The following SIGLEC1 variants were observed in gnomAD, a reference collection of about 807,000 sequenced individuals.
SIGLEC1 encodes sialoadhesin.
SIGLEC1 carries 132 observed loss-of-function variants against 148.0 expected under a neutral mutation model. The observed-to-expected ratio is 0.89, with a 90% CI of 0.77 to 1.03. SIGLEC1 has a LOEUF of 1.03. Among genes scored for constraint, SIGLEC1 ranks in the 50% least tolerant of loss-of-function variants. The pLI is 0.00. For missense variants in SIGLEC1, 2,253 were observed against 2,271.4 expected (o/e 0.99, Z 0.16); for synonymous variants, 945 against 969.0 (o/e 0.98, Z 0.46).
intron 18 of SIGLEC1, among the ~76,000 whole-genome samples, chr20:3,691,045 A>T (rs1226385386): frequency 6.6e-6 from 1 of 151,996 alleles, no homozygotes. Flanking sequence ...TGACCAGGCT[A>T]GTCTTGAACT....
rs1353748868 is a variant in SIGLEC1, at chr20:3,688,203, A to G, written c.*357T>C. 5.8e-6 allele frequency: 2 copies of G among 347,632 alleles called. No homozygotes were observed. The highest frequency in any genetic ancestry group is 1.1e-5 in the Non-Finnish European group (2 of 180,996). 21.5% of individuals were successfully genotyped at this position (347,632 alleles called of 1,614,324 possible). ...AGAATGCCTTGGTGAGCCTCTGAGG[A>G]TGCAGGATGCTGCAATCCAACCAAA... On this transcript the variant is annotated 3_prime_UTR_variant, in exon 22 of 22. Transcript: ENST00000344754.
chr20:3,694,695 C>T lies in SIGLEC1; in HGVS notation c.2912G>A (p.Ser971Asn). The T allele has an allele frequency of 2.5e-6, 4 of 1,613,796 alleles. No homozygotes were observed. The highest frequency in any genetic ancestry group is 2.5e-6 in the Non-Finnish European group (3 of 1,179,974). The change falls in exon 12 of 22, where the codon AGC (serine) becomes AAC (asparagine). Residue 971 changes from serine to asparagine, a missense_variant. Ser to Asn is a conservative substitution (Grantham distance 46). Coordinates refer to ENST00000344754, the MANE Select transcript of SIGLEC1 (RefSeq NM_023068.4). ...QAQAPGSATTSLAAPISLHVS... is the reference protein window; with the variant it reads ...QAQAPGSATTNLAAPISLHVS... ...GTGGAGGCTGATGGGTGCAGCTAGG[C>T]TCGTGGTGGCTGAGCCTGGGGCCTG...
At chr20:3,688,858 TC>T (rs1232935021) in intron 21 of SIGLEC1, 1 of 596,820 alleles carries the variant, frequency 1.7e-6, no homozygotes, top group African/African-American at 1.9e-5. Context: ...GGAAGAGGCC[TC>T]AGAACAAAGG....
intron 19 of SIGLEC1, 98 bp from the exon 20 acceptor site, chr20:3,689,800 T>C: frequency 7.9e-7 from 1 of 1,268,276 alleles, no homozygotes; most frequent in Admixed American, 2.1e-5. Flanking sequence ...TAACTTTTGC[T>C]TTATCGCTGA....
chr20:3,689,152 T>A lies in SIGLEC1; in HGVS notation c.5070+3A>T. On this transcript the variant is annotated splice_donor_region_variant and intron_variant, in intron 21 of 21. Transcript: ENST00000344754. ...TATCTGCCCGTGTGTGTTGAATGGA[T>A]ACCTGCGTGGTCTCTTTCTGAAAAG... 6.2e-7 allele frequency: 1 copy of A among 1,613,016 alleles called. No individual in the cohort carries two copies. The highest frequency in any genetic ancestry group is 1.1e-5 in the South Asian group (1 of 91,046).
At position 3,688,613 on chromosome 20, in the gene SIGLEC1, C is replaced by T. The variant is rs1440925426; in HGVS notation, c.5077G>A (p.Asp1693Asn). 6.3e-7 allele frequency: 1 copy of T among 1,597,430 alleles called. No individual in the cohort carries two copies. The highest frequency in any genetic ancestry group is 8.5e-7 in the Non-Finnish European group (1 of 1,171,412). ...AFQKETTQLI[D>N]PDAATCETST... is the part of the protein sequence containing the mutation. ...GTCTCACATGTGGCTGCATCAGGAT[C>T]AATGAGCTTCCCACAGAGAAAACCC... Residue 1693 changes from aspartate to asparagine, a missense_variant, in exon 22 of 22, where the codon GAT becomes AAT. Physicochemically the swap from Asp to Asn is conservative, Grantham distance 23. Transcript: ENST00000344754.
At chr20:3,703,749 C>T (rs2087870789) in intron 5 of SIGLEC1, 76 bp downstream of exon 5, 11 of 1,578,222 alleles carry the variant, frequency 7.0e-6, no homozygotes, top group South Asian at 1.1e-5. Context: ...CCTGCCCTGC[C>T]CTGTCTCCCC....
Position 3,692,973 on chromosome 20 carries a change from TGTTGGGGA to T in SIGLEC1, c.3659_3666del (p.Val1220AspfsTer14). ...GGCCCTCGCAGCTCCAGGCGCAGGG[TGTTGGGGA>T]CAGAGGCTGCTGTCGAGGAGGCCAA... On this transcript the variant is annotated frameshift_variant, in exon 15 of 22. Transcript: ENST00000344754. LOFTEE classifies it high-confidence loss of function. 6.2e-7 allele frequency: 1 copy of T among 1,612,240 alleles called. No homozygotes were observed. The highest frequency in any genetic ancestry group is 8.5e-7 in the Non-Finnish European group (1 of 1,179,818).
intron 8 of SIGLEC1, among the ~76,000 whole-genome samples, chr20:3,698,550 T>TC (rs746709470): frequency 6.6e-5 from 10 of 152,202 alleles, no homozygotes; most frequent in South Asian, 6.2e-4. Flanking sequence ...GCAGCTTATC[T>TC]GTGATCTCCA....
chr20:3,693,373 G>A (rs974588278), intron 14 of SIGLEC1, 74 bp downstream of exon 14: 57 of 1,480,912 alleles, frequency 3.8e-5, no homozygotes, highest in Admixed American at 4.3e-5. Context: ...CACCTGTCGG[G>A]TTCCGGCCAT....
Position 3,687,732 on chromosome 20 carries a change from A to C in SIGLEC1, c.*828T>G, listed in dbSNP as rs2088712949. On this transcript the variant is annotated 3_prime_UTR_variant, in exon 22 of 22. Coordinates refer to ENST00000344754, the MANE Select transcript of SIGLEC1 (RefSeq NM_023068.4). ...CTGGTGGCATTCCCAACAATGTCAA[A>C]AGTCTCAGGGATGAGCTCACAGTTG... 1 of 152,206 alleles carries C rather than the reference A, an allele frequency of 6.6e-6. No individual in the cohort carries two copies. Among genetic ancestry groups the C allele is most frequent in the African/African-American group, 2.4e-5 (1 of 41,436 alleles). The allele number at this position is 152,206 out of a possible 1,614,324, so 9.4% of individuals were successfully genotyped here. A position where few individuals can be genotyped will look rare whatever the true frequency, so the allele number is the denominator to read the frequency against.
rs116446562 is a variant in SIGLEC1, at chr20:3,710,018, A to G, written c.-110+2452T>C. Among the ~76,000 whole-genome samples, 1 of 152,344 alleles carries G rather than the reference A, an allele frequency of 6.6e-6. No individual in the cohort carries two copies. Among genetic ancestry groups the G allele is most frequent in the African/African-American group, 2.4e-5 (1 of 41,568 alleles). The stretch of plus-strand genomic sequence containing the variant: ...AAATGTACCTAATGTCATGGGGTGT[A>G]CACTTAAAGACAGTTAAAACAGTAA... On this transcript the variant is annotated intron_variant, in intron 1 of 21. Coordinates refer to ENST00000344754, the MANE Select transcript of SIGLEC1 (RefSeq NM_023068.4). This position sits in a 1 kb window ranked among gnomAD's most constrained non-coding sequence, Gnocchi z 4.6.
rs2087818037 is a variant in SIGLEC1 at position 3,697,939 on chromosome 20, G to A, written c.1981C>T (p.Pro661Ser). ...GGCSTCGGCSPRMKVTKAPNL... is the reference protein window; with the variant it reads ...GGCSTCGGCSSRMKVTKAPNL... ...GGGGCTTTGGTGACCTTCATGCGTG[G>A]GGAACAGCCCCCACAGGTGCTGCAG... Residue 661 changes from proline (P) to serine (S), a missense_variant, in exon 9 of 22, where the codon CCA (proline) becomes TCA (serine). Pro to Ser is a moderately conservative substitution (Grantham distance 74). Coordinates refer to ENST00000344754, the MANE Select transcript of SIGLEC1 (RefSeq NM_023068.4). 1 of 1,612,906 alleles carries A rather than the reference G, an allele frequency of 6.2e-7. No individual in the cohort carries two copies. Among genetic ancestry groups the A allele is most frequent in the Non-Finnish European group, 8.5e-7 (1 of 1,179,898 alleles).
At position 3,693,647 on chromosome 20, in the gene SIGLEC1, A is replaced by G. The variant is rs1445855492; in HGVS notation, c.3308T>C (p.Val1103Ala). The G allele has an allele frequency of 1.2e-6, 2 of 1,609,182 alleles. No homozygotes were observed. The highest frequency in any genetic ancestry group is 1.7e-6 in the Non-Finnish European group (2 of 1,177,708). ...PGATVREGQL[V>A]NLTCLVWTTH... ...GGTCCACACAAGGCAGGTCAGGTTC[A>G]CCAGCTGCCCCTCCCGCACGGTAGC... is the stretch of plus-strand genomic sequence containing the variant. The change falls in exon 14 of 22, where the codon GTG becomes GCG. Residue 1103 changes from valine (V) to alanine (A), a missense_variant. Coordinates refer to ENST00000344754, the MANE Select transcript of SIGLEC1 (RefSeq NM_023068.4).
Position 3,703,916 on chromosome 20 carries a change from C to T in SIGLEC1, c.882G>A (p.Gln294=). The change falls in exon 5 of 22, where the codon CAG becomes CAA. Residue 294 remains glutamine, a synonymous_variant. Coordinates refer to ENST00000344754, the MANE Select transcript of SIGLEC1 (RefSeq NM_023068.4). ...QTKTGVLHLP[Q]AAWSDAGVYT... is the part of the protein sequence containing the mutation. ...AGACGCCAGCATCGCTCCAGGCTGC[C>T]TGGGGCAGGTGCAGCACACCAGTCT... 1 of 1,614,028 alleles carries T rather than the reference C, an allele frequency of 6.2e-7. No individual in the cohort carries two copies. The highest frequency in any genetic ancestry group is 1.3e-5 in the African/African-American group (1 of 75,050).
At chr20:3,712,086 T>C (rs2087931690) in intron 1 of SIGLEC1, among the ~76,000 whole-genome samples, 1 of 150,910 alleles carries the variant, frequency 6.6e-6, no homozygotes, top group South Asian at 2.1e-4. Flanking sequence ...GATGATAGAG[T>C]CGGAGTTGTG....
chr20:3,704,158 T>G (rs2087875697), intron 4 of SIGLEC1, 67 bp from the exon 5 acceptor site: 3 of 1,452,242 alleles, frequency 2.1e-6, no homozygotes, highest in Non-Finnish European at 2.8e-6. Context: ...ACACTTCTTC[T>G]TGCCCCCCTT....
chr20:3,705,664 C>T lies in SIGLEC1; in HGVS notation c.706+80G>A, dbSNP rs539938475. 2,193 of 1,470,654 alleles carry T rather than the reference C, an allele frequency of 1.5e-3. 1 individual carries two copies. Among genetic ancestry groups the T allele is most frequent in the Non-Finnish European group, 1.8e-3 (1,921 of 1,081,528 alleles). The allele number at this position is 1,470,654 out of a possible 1,614,324, so 91.1% of individuals were successfully genotyped here. A position where few individuals can be genotyped will look rare whatever the true frequency, so the allele number is the denominator to read the frequency against. On this transcript the variant is annotated intron_variant, in intron 4 of 21. Coordinates refer to ENST00000344754, the MANE Select transcript of SIGLEC1 (RefSeq NM_023068.4). Reference sequence around the variant, plus strand: ...TGCATCAGGAGCAAGGGTTCCGTTTCTGTGGGCTGGAGAGGGGCTGGTTTC... The same window carrying T: ...TGCATCAGGAGCAAGGGTTCCGTTTTTGTGGGCTGGAGAGGGGCTGGTTTC...
In SIGLEC1 at chr20:3,706,014, A is replaced by T. The variant is rs1177553556; in HGVS notation, c.436T>A (p.Ser146Thr). ...GTGCCCTCGAGAAGCTCCACCGGGGAGGCAATGGTGGGCACCCTGGGCTCC... is the reference window on the plus strand; with the variant it reads ...GTGCCCTCGAGAAGCTCCACCGGGGTGGCAATGGTGGGCACCCTGGGCTCC... ...TEEPRVPTIA[S>T]PVELLEGTEV... is the part of the protein sequence containing the mutation. Residue 146 changes from serine (S) to threonine (T), a missense_variant, in exon 4 of 22, where the codon TCC (serine) becomes ACC (threonine). Ser to Thr is a moderately conservative substitution (Grantham distance 58). Transcript: ENST00000344754. 6.2e-7 allele frequency: 1 copy of T among 1,613,424 alleles called. No homozygotes were observed. Among genetic ancestry groups the T allele is most frequent in the South Asian group, 1.1e-5 (1 of 91,076 alleles).
Sources: allele counts gnomAD v4.1 joint callset (sites outside exome capture counted in the v4.1 genomes callset), GRCh38; gene constraint gnomAD v4.1.1; non-coding constraint Gnocchi (gnomAD v3.1); transcripts MANE v1.5; gene names NCBI Gene and HGNC (gene_info 2026-07-23, HGNC 2026-07-21).